Variants in GSPT1 observed in about 807,000 individuals in gnomAD.
GSPT1 encodes eukaryotic peptide chain release factor GTP-binding subunit ERF3A.
In GSPT1, 20 loss-of-function variants were observed where a neutral mutation model predicts 72.5. The observed-to-expected ratio is 0.28, with a 90% CI of 0.19 to 0.40. The LOEUF (loss-of-function observed/expected upper bound fraction) is 0.40, where lower values mean the gene tolerates loss of function less well. Among genes scored for constraint, GSPT1 ranks in the 10% least tolerant of loss-of-function variants. The pLI is 1.00. For synonymous variants in GSPT1, 334 were observed against 293.5 expected (o/e 1.14, Z -1.41); for missense variants, 580 against 811.9 (o/e 0.71, Z 3.47).
upstream of GSPT1, chr16:11,916,165 G>A (rs1025175886): frequency 6.9e-5 from 25 of 360,050 alleles, no homozygotes; most frequent in Admixed American, 1.2e-4. Flanking sequence ...GGGGGCCGAC[G>A]GGAGTCGAAG....
intron 4 of GSPT1, among the ~76,000 whole-genome samples, chr16:11,895,851 T>C (rs984116784): frequency 6.6e-6 from 1 of 152,244 alleles, no homozygotes; most frequent in Non-Finnish European, 1.5e-5. Flanking sequence ...GGTCTTGAAC[T>C]CCTGACCTCG....
upstream of GSPT1, chr16:11,916,094 G>C (rs1351590734): frequency 4.7e-5 from 23 of 486,906 alleles, no homozygotes; most frequent in East Asian, 4.0e-4. Flanking sequence ...GCTATTTAGC[G>C]CGGCGGGAGG....
At chr16:11,910,608 G>C (rs1258277283) in intron 1 of GSPT1, among the ~76,000 whole-genome samples, 1 of 152,094 alleles carries the variant, frequency 6.6e-6, no homozygotes, top group Non-Finnish European at 1.5e-5. Flanking sequence ...TCTTCAACCA[G>C]AAAGAAAATA....
At chr16:11,904,423 C>T (rs1463689571) in intron 1 of GSPT1, among the ~76,000 whole-genome samples, 3 of 152,058 alleles carry the variant, frequency 2.0e-5, no homozygotes, top group African/African-American at 4.8e-5. Flanking sequence ...AGGATGGTCT[C>T]GATCTCCTGA....
chr16:11,874,086 C>T (rs1276393769), intron 14 of GSPT1, among the ~76,000 whole-genome samples: 1 of 152,108 alleles, frequency 6.6e-6, no homozygotes, highest in East Asian at 1.9e-4. Flanking sequence ...CTATAAAAGA[C>T]AAATTGAAAA....
chr16:11,883,719 C>T (rs913662509), intron 10 of GSPT1, among the ~76,000 whole-genome samples: 1 of 151,836 alleles, frequency 6.6e-6, no homozygotes, highest in Non-Finnish European at 1.5e-5. Flanking sequence ...TCGAGCCCAT[C>T]CTGGCCAACA....
At chr16:11,888,207 T>C (rs1188960506) in intron 6 of GSPT1, among the ~76,000 whole-genome samples, 6 of 152,038 alleles carry the variant, frequency 3.9e-5, no homozygotes, top group Non-Finnish European at 5.9e-5. Flanking sequence ...GGCTCACGCC[T>C]GTAATCCCAG....
chr16:11,914,901 G>A (rs1160481948), intron 1 of GSPT1: 2 of 731,780 alleles, frequency 2.7e-6, no homozygotes, highest in East Asian at 6.9e-5. Flanking sequence ...AGAAAACGCA[G>A]CAGAAGACGC....
In GSPT1 at chr16:11,875,860, C is replaced by T. The variant is rs2054041237; in HGVS notation, c.1762G>A (p.Asp588Asn). 4 of 1,613,796 alleles carry T rather than the reference C, an allele frequency of 2.5e-6. No homozygotes were observed. Among genetic ancestry groups the T allele is most frequent in the Non-Finnish European group, 3.4e-6 (4 of 1,179,820 alleles). The stretch of plus-strand genomic sequence containing the variant: ...CTTAAGCGAGCAATGCATACTTGAT[C>T]TTGTTTGACAAAACGGGGTCGGGTC... ...SKTRPRFVKQ[D>N]QVCIARLRTA... The change falls in exon 14 of 15, where the codon GAT (aspartate) becomes AAT (asparagine). Residue 588 changes from aspartate (D) to asparagine (N), a missense_variant. Asp to Asn is a conservative substitution (Grantham distance 23). This residue lies in a region of GSPT1 where 120 missense variants were observed against 242.5 expected (regional missense o/e 0.49). Coordinates refer to ENST00000434724, the MANE Select transcript of GSPT1 (RefSeq NM_002094.4).
intron 11 of GSPT1, chr16:11,881,673 T>TTTTTTTTTTTTC (rs71136694): frequency 6.9e-6 from 1 of 145,150 alleles, no homozygotes; most frequent in Non-Finnish European, 1.5e-5. Flanking sequence ...TTTTTTTTTT[T>TTTTTTTTTTTTC]AGTAAAGGTC....
intron 5 of GSPT1, among the ~76,000 whole-genome samples, chr16:11,894,042 C>A (rs2054302843): frequency 2.0e-5 from 3 of 151,036 alleles, no homozygotes; most frequent in African/African-American, 7.3e-5. Context: ...TGTGATCCCA[C>A]CTGCTTGGGA....
chr16:11,882,983 A>G, intron 11 of GSPT1, 32 bp downstream of exon 11: 2 of 1,398,846 alleles, frequency 1.4e-6, no homozygotes, highest in Non-Finnish European at 2.0e-6. Context: ...AAAATCAATA[A>G]ATAGATAGGA....
chr16:11,873,181 A>T lies in GSPT1; in HGVS notation c.1862-10T>A. On this transcript the variant is annotated splice_polypyrimidine_tract_variant and intron_variant, in intron 14 of 14. Coordinates refer to ENST00000434724, the MANE Select transcript of GSPT1 (RefSeq NM_002094.4). Reference sequence around the variant, plus strand: ...ATTGCAATGGTCTTACCTAGAAATGAAATTTTAAAAAAATCTTTCAGTAGT... The same window carrying T: ...ATTGCAATGGTCTTACCTAGAAATGTAATTTTAAAAAAATCTTTCAGTAGT... The T allele has an allele frequency of 6.7e-7, 1 of 1,488,102 alleles. No homozygotes were observed. Among genetic ancestry groups the T allele is most frequent in the Non-Finnish European group, 9.4e-7 (1 of 1,067,584 alleles). 92.2% of individuals were successfully genotyped at this position (1,488,102 alleles called of 1,614,324 possible).
At chr16:11,894,147 C>G (rs1353627111) in intron 5 of GSPT1, among the ~76,000 whole-genome samples, 1 of 75,940 alleles carries the variant, frequency 1.3e-5, no homozygotes, top group Non-Finnish European at 2.3e-5. Context: ...CAGAATGAGA[C>G]CCTATCTCAA....
In GSPT1 at chr16:11,870,662, A is replaced by C. The variant is rs2053968265; in HGVS notation, c.*2457T>G. On this transcript the variant is annotated 3_prime_UTR_variant, in exon 15 of 15. Coordinates refer to ENST00000434724, the MANE Select transcript of GSPT1 (RefSeq NM_002094.4). ...ATCCAAATGAACAGCCTGTGTAAGC[A>C]GGATTGAAAATGCATCAACTTTAAA... The C allele has an allele frequency of 6.6e-6, 1 of 152,268 alleles. No individual in the cohort carries two copies. The highest frequency in any genetic ancestry group is 1.5e-5 in the Non-Finnish European group (1 of 68,046). The allele number at this position is 152,268 out of a possible 1,614,324, so 9.4% of individuals were successfully genotyped here. A position where few individuals can be genotyped will look rare whatever the true frequency, so the allele number is the denominator to read the frequency against.
intron 14 of GSPT1, among the ~76,000 whole-genome samples, chr16:11,873,900 T>C (rs914611054): frequency 2.0e-5 from 3 of 152,200 alleles, no homozygotes; most frequent in African/African-American, 4.8e-5. Context: ...AAAAACCTCT[T>C]TGGATTAAAA....
At position 11,886,800 on chromosome 16, in the gene GSPT1, T is replaced by G. The variant is rs1308274225; in HGVS notation, c.1089A>C (p.Pro363=). The G allele has an allele frequency of 6.2e-7, 1 of 1,613,766 alleles. No homozygotes were observed. Among genetic ancestry groups the G allele is most frequent in the Admixed American group, 1.7e-5 (1 of 59,992 alleles). Residue 363 remains proline, a synonymous_variant, in exon 8 of 15, where the codon CCA becomes CCC. Coordinates refer to ENST00000434724, the MANE Select transcript of GSPT1 (RefSeq NM_002094.4). The part of the protein sequence containing the change: ...LIVLINKMDD[P]TVNWSNERYE... ...ACCTCTCATTGCTCCAATTTACTGT[T>G]GGATCATCCATCTTATTAATTAGCA...
chr16:11,898,999 G>C (rs1338096761), intron 1 of GSPT1, among the ~76,000 whole-genome samples: 3 of 152,142 alleles, frequency 2.0e-5, no homozygotes, highest in African/African-American at 7.2e-5. Context: ...AGATGTAGGA[G>C]AAATACATAC....
Position 11,877,384 on chromosome 16 carries a change from G to A in GSPT1, c.1602+23C>T. ...TCATTTAGACATTAAAACCCACTAT[G>A]ACAACAACAATAATTTGTTTACCTG... On this transcript the variant is annotated intron_variant, in intron 12 of 14. Coordinates refer to ENST00000434724, the MANE Select transcript of GSPT1 (RefSeq NM_002094.4). The surrounding 1 kb of genome is among the most constrained non-coding windows in gnomAD (Gnocchi z 4.0). 1 of 1,517,754 alleles carries A rather than the reference G, an allele frequency of 6.6e-7. No individual in the cohort carries two copies. The highest frequency in any genetic ancestry group is 8.9e-7 in the Non-Finnish European group (1 of 1,122,938). 94.0% of individuals were successfully genotyped at this position (1,517,754 alleles called of 1,614,324 possible). A position where few individuals can be genotyped will look rare whatever the true frequency, so the allele number is the denominator to read the frequency against.
Sources: gnomAD v4.1 joint callset for allele counts (sites outside exome capture counted in the v4.1 genomes callset) on GRCh38, gnomAD v4.1.1 for gene constraint, gnomAD v4.1.1 regional missense constraint, Gnocchi (gnomAD v3.1) non-coding constraint, MANE v1.5 for transcripts, NCBI Gene and HGNC (gene_info 2026-07-23, HGNC 2026-07-21) for gene names.